Variants in DRC11 observed in about 807,000 individuals in gnomAD.
DRC11 encodes the protein IQ and AAA domain-containing protein 1.
the DRC11 span, among the ~76,000 whole-genome samples, chr2:236,503,296 C>A: frequency 6.6e-6 from 1 of 152,216 alleles, no homozygotes. The surrounding 1 kb of genome is among the most constrained non-coding windows in gnomAD (Gnocchi z 4.9). Context: ...CCACAGCCGA[C>A]CTGATGGGGC....
At chr2:236,464,243 A>C in the DRC11 span, among the ~76,000 whole-genome samples, 5 of 152,286 alleles carry the variant, frequency 3.3e-5, no homozygotes, top group South Asian at 1.0e-3. Flanking sequence ...CTTTTAATAG[A>C]ATCTTTTTGA....
chr2:236,332,916 A>T, the DRC11 span: 1 of 152,084 alleles, frequency 6.6e-6, no homozygotes, highest in Non-Finnish European at 1.5e-5. This position sits in a 1 kb window ranked among gnomAD's most constrained non-coding sequence, Gnocchi z 5.1. Context: ...GGGTTTGGAG[A>T]TCTGCAGTGA....
At chr2:236,493,915 T>C in the DRC11 span, 1 of 1,556,968 alleles carries the variant, frequency 6.4e-7, no homozygotes, top group Non-Finnish European at 8.7e-7. Flanking sequence ...TAAAAAAGAG[T>C]ATTTCCGTCA....
chr2:236,458,021 G>C, the DRC11 span, among the ~76,000 whole-genome samples: 12 of 152,216 alleles, frequency 7.9e-5, no homozygotes, highest in Admixed American at 7.2e-4. Context: ...CTCAGTAATT[G>C]TGAGTCTCTA....
chr2:236,424,601 A>T, the DRC11 span, among the ~76,000 whole-genome samples: 1 of 152,230 alleles, frequency 6.6e-6, no homozygotes, highest in African/African-American at 2.4e-5. Context: ...TTGTGGAATG[A>T]TTAAGTCAAG....
the DRC11 span, among the ~76,000 whole-genome samples, chr2:236,420,538 T>C: frequency 1.3e-5 from 2 of 152,146 alleles, no homozygotes; most frequent in Admixed American, 6.5e-5. The surrounding 1 kb of genome is among the most constrained non-coding windows in gnomAD (Gnocchi z 4.8). Flanking sequence ...CGTTTTATCC[T>C]AGTGTGGAGA....
chr2:236,311,604 C>T, the DRC11 span, among the ~76,000 whole-genome samples: 2 of 151,968 alleles, frequency 1.3e-5, no homozygotes, highest in Non-Finnish European at 2.9e-5. This position sits in a 1 kb window ranked among gnomAD's most constrained non-coding sequence, Gnocchi z 6.9. Context: ...AAGCAGTTAT[C>T]GGGATACTAG....
the DRC11 span, among the ~76,000 whole-genome samples, chr2:236,459,616 A>ATACGTATATAC: frequency 7.6e-6 from 1 of 130,876 alleles, no homozygotes; most frequent in African/African-American, 2.8e-5. Context: ...TACGTATATA[A>ATACGTATATAC]GTATATACAT....
At chr2:236,500,024 T>A in the DRC11 span, among the ~76,000 whole-genome samples, 1 of 152,194 alleles carries the variant, frequency 6.6e-6, no homozygotes, top group African/African-American at 2.4e-5. This position sits in a 1 kb window ranked among gnomAD's most constrained non-coding sequence, Gnocchi z 6.3. Context: ...TGTGCTTTTT[T>A]CACCTTTCTG....
the DRC11 span, chr2:236,368,216 T>C: frequency 6.2e-7 from 1 of 1,609,416 alleles, no homozygotes; most frequent in Non-Finnish European, 8.5e-7. Flanking sequence ...TTCCGTACAA[T>C]GTGATGAGCT....
the DRC11 span, among the ~76,000 whole-genome samples, chr2:236,472,175 T>C: frequency 6.6e-6 from 1 of 152,206 alleles, no homozygotes; most frequent in Non-Finnish European, 1.5e-5. This position sits in a 1 kb window ranked among gnomAD's most constrained non-coding sequence, Gnocchi z 4.6. Flanking sequence ...GGCGTCCTTC[T>C]TGAAATTCTA....
the DRC11 span, among the ~76,000 whole-genome samples, chr2:236,309,019 C>T: frequency 2.6e-5 from 4 of 152,170 alleles, no homozygotes; most frequent in Non-Finnish European, 5.9e-5. This position sits in a 1 kb window ranked among gnomAD's most constrained non-coding sequence, Gnocchi z 5.7. Flanking sequence ...TCTTCCTTTC[C>T]GGGCAGCACC....
chr2:236,350,393 T>A, the DRC11 span, among the ~76,000 whole-genome samples: 1 of 152,198 alleles, frequency 6.6e-6, no homozygotes, highest in South Asian at 2.1e-4. This position sits in a 1 kb window ranked among gnomAD's most constrained non-coding sequence, Gnocchi z 5.2. Flanking sequence ...AGGGCTCAAT[T>A]ATTACCAAAC....
At chr2:236,423,731 G>T in the DRC11 span, among the ~76,000 whole-genome samples, 2 of 152,070 alleles carry the variant, frequency 1.3e-5, no homozygotes, top group Admixed American at 1.3e-4. Flanking sequence ...AAATCATGCT[G>T]CTATAAAGAC....
the DRC11 span, among the ~76,000 whole-genome samples, chr2:236,407,545 C>T: frequency 6.6e-6 from 1 of 152,250 alleles, no homozygotes; most frequent in South Asian, 2.1e-4. Flanking sequence ...ATGAATCTTT[C>T]TCTATATAAA....
the DRC11 span, among the ~76,000 whole-genome samples, chr2:236,398,773 C>G: frequency 6.6e-6 from 1 of 152,154 alleles, no homozygotes; most frequent in Non-Finnish European, 1.5e-5. This position sits in a 1 kb window ranked among gnomAD's most constrained non-coding sequence, Gnocchi z 6.2. Context: ...AATTGAGGCA[C>G]ACATCTTAGT....
chr2:236,464,748 C>G, the DRC11 span, among the ~76,000 whole-genome samples: 1 of 151,900 alleles, frequency 6.6e-6, no homozygotes, highest in Non-Finnish European at 1.5e-5. Flanking sequence ...GGGGTGGATC[C>G]CTCATGGCCT....
At chr2:236,463,962 G>C in the DRC11 span, among the ~76,000 whole-genome samples, 4 of 152,240 alleles carry the variant, frequency 2.6e-5, no homozygotes, top group Non-Finnish European at 5.9e-5. The surrounding 1 kb of genome is among the most constrained non-coding windows in gnomAD (Gnocchi z 5.0). Context: ...GGCTGCTGGA[G>C]GGGGCCCTCA....
the DRC11 span, among the ~76,000 whole-genome samples, chr2:236,357,023 C>CTATATATT: frequency 9.1e-6 from 1 of 109,936 alleles, no homozygotes; most frequent in African/African-American, 3.7e-5. Flanking sequence ...TATTATATAT[C>CTATATATT]TATATATTTA....
Sources: gnomAD v4.1 joint callset for allele counts (sites outside exome capture counted in the v4.1 genomes callset) on GRCh38, gnomAD v4.1.1 for gene constraint, Gnocchi (gnomAD v3.1) non-coding constraint, MANE v1.5 for transcripts, NCBI Gene and HGNC (gene_info 2026-07-23, HGNC 2026-07-21) for gene names.